Variants in SRD5A2 observed in about 807,000 individuals in gnomAD.
SRD5A2 encodes the protein steroid 5 alpha-reductase 2, also known as 3-oxo-5-alpha-steroid 4-dehydrogenase 2.
Under a neutral mutation model 27.4 loss-of-function variants are expected in SRD5A2, and 30 were observed. The observed-to-expected ratio is 1.10, with a 90% confidence interval of 0.82 to 1.49. The LOEUF is 1.49. Among genes scored for constraint, SRD5A2 ranks in the 40% most tolerant of loss-of-function variants. The pLI is 0.00. For missense variants in SRD5A2, 348 were observed against 323.4 expected (o/e 1.08, Z -0.58); for synonymous variants, 141 against 133.6 (o/e 1.06, Z -0.38).
intron 1 of SRD5A2, among the ~76,000 whole-genome samples, chr2:31,573,737 C>T (rs1666898252): frequency 6.6e-6 from 1 of 152,172 alleles, no homozygotes; most frequent in Admixed American, 6.5e-5. Context: ...AGGATGCGTA[C>T]AGCTCAGCCC....
At chr2:31,586,311 C>G in the SRD5A2 span, among the ~76,000 whole-genome samples, 1 of 152,218 alleles carries the variant, frequency 6.6e-6, no homozygotes, top group Non-Finnish European at 1.5e-5. Context: ...TCTGGACCCA[C>G]CTGGGGCTTG....
the SRD5A2 span, among the ~76,000 whole-genome samples, chr2:31,590,319 T>TA: frequency 2.0e-5 from 3 of 152,206 alleles, no homozygotes; most frequent in Non-Finnish European, 4.4e-5. Flanking sequence ...GCATGGAATG[T>TA]TCTTCCATTT....
chr2:31,613,055 G>A, the SRD5A2 span, among the ~76,000 whole-genome samples: 1 of 152,092 alleles, frequency 6.6e-6, no homozygotes, highest in Non-Finnish European at 1.5e-5. Flanking sequence ...GCTTAAAACT[G>A]TAAAGCTACT....
chr2:31,584,902 A>C (rs1667149815), upstream of SRD5A2, among the ~76,000 whole-genome samples: 1 of 152,246 alleles, frequency 6.6e-6, no homozygotes, highest in Admixed American at 6.5e-5. Flanking sequence ...GGCACTGAAA[A>C]GGTTGCAGAA....
At chr2:31,617,894 T>C in the SRD5A2 span, among the ~76,000 whole-genome samples, 2 of 152,326 alleles carry the variant, frequency 1.3e-5, no homozygotes, top group East Asian at 3.9e-4. Context: ...TTTCAATCTC[T>C]GCCTGTCACC....
At chr2:31,588,261 A>G in the SRD5A2 span, among the ~76,000 whole-genome samples, 1 of 152,224 alleles carries the variant, frequency 6.6e-6, no homozygotes, top group South Asian at 2.1e-4. Flanking sequence ...ATTCAAGTAC[A>G]AGAAGGTTAT....
chr2:31,551,227 T>C (rs1666375867), intron 1 of SRD5A2, among the ~76,000 whole-genome samples: 1 of 152,090 alleles, frequency 6.6e-6, no homozygotes, highest in Non-Finnish European at 1.5e-5. Flanking sequence ...TGGTGACATA[T>C]CATGTTCATG....
the SRD5A2 span, among the ~76,000 whole-genome samples, chr2:31,588,280 A>T: frequency 2.0e-5 from 3 of 149,902 alleles, no homozygotes; most frequent in Non-Finnish European, 4.4e-5. Context: ...ATAGAACATT[A>T]AGCAGATTCA....
At chr2:31,573,733 C>G (rs2148100465) in intron 1 of SRD5A2, among the ~76,000 whole-genome samples, 1 of 152,214 alleles carries the variant, frequency 6.6e-6, no homozygotes, top group Non-Finnish European at 1.5e-5. Flanking sequence ...CCAAAGGATG[C>G]GTACAGCTCA....
At chr2:31,526,336 T>C in intron 4 of SRD5A2, 74 bp from the exon 5 acceptor site, 10 of 974,198 alleles carry the variant, frequency 1.0e-5, no homozygotes, top group Non-Finnish European at 1.4e-5. Context: ...TCTTACCAAA[T>C]CTTTGTTACA....
At chr2:31,654,930 T>C in the SRD5A2 span, among the ~76,000 whole-genome samples, 1 of 152,194 alleles carries the variant, frequency 6.6e-6, no homozygotes, top group Non-Finnish European at 1.5e-5. Context: ...CAGTATTATA[T>C]GTTGGAAGTT....
At chr2:31,609,015 G>A in the SRD5A2 span, among the ~76,000 whole-genome samples, 1 of 151,990 alleles carries the variant, frequency 6.6e-6, no homozygotes, top group South Asian at 2.1e-4. Flanking sequence ...GAGAAAGAGG[G>A]AGATCTTTTT....
At chr2:31,612,005 T>C in the SRD5A2 span, among the ~76,000 whole-genome samples, 2 of 152,196 alleles carry the variant, frequency 1.3e-5, no homozygotes, top group Admixed American at 1.3e-4. Flanking sequence ...TGGCTGAGTG[T>C]GGTGGCTCAT....
the SRD5A2 span, among the ~76,000 whole-genome samples, chr2:31,636,964 T>C: frequency 1.3e-5 from 2 of 152,202 alleles, no homozygotes; most frequent in South Asian, 2.1e-4. Context: ...CTGGTTTCAG[T>C]ATCAGGATAA....
chr2:31,592,217 T>G, the SRD5A2 span, among the ~76,000 whole-genome samples: 1 of 150,426 alleles, frequency 6.6e-6, no homozygotes, highest in Non-Finnish European at 1.5e-5. Context: ...CTTTTGAAAG[T>G]GCCACCTCCT....
At chr2:31,661,591 T>C in the SRD5A2 span, among the ~76,000 whole-genome samples, 7 of 152,292 alleles carry the variant, frequency 4.6e-5, no homozygotes, top group East Asian at 1.4e-3. Flanking sequence ...TGAAGAATTG[T>C]GTCAAATATT....
chr2:31,659,516 A>G, the SRD5A2 span, among the ~76,000 whole-genome samples: 778 of 152,226 alleles, frequency 5.1e-3, 5 homozygotes, highest in African/African-American at 0.017. Context: ...ACAAAAATCA[A>G]TAGCATTTCT....
the SRD5A2 span, among the ~76,000 whole-genome samples, chr2:31,616,986 G>A: frequency 6.6e-6 from 1 of 152,142 alleles, no homozygotes; most frequent in East Asian, 1.9e-4. Context: ...TCTTGTGGTA[G>A]TGAATAAGTC....
the SRD5A2 span, among the ~76,000 whole-genome samples, chr2:31,598,329 C>T: frequency 3.7e-3 from 558 of 151,952 alleles, 4 homozygotes; most frequent in African/African-American, 0.013. Flanking sequence ...AAATAAAAGA[C>T]TACATAATGG....
Sources: gnomAD v4.1 joint callset for allele counts (sites outside exome capture counted in the v4.1 genomes callset) on GRCh38, gnomAD v4.1.1 for gene constraint, MANE v1.5 for transcripts, NCBI Gene and HGNC (gene_info 2026-07-23, HGNC 2026-07-21) for gene names.